The following CFAP47 variants were observed in gnomAD, a reference collection of about 807,000 sequenced individuals.
CFAP47 encodes the protein cilia- and flagella-associated protein 47.
In CFAP47, 29 loss-of-function variants were observed where a neutral mutation model predicts 148.1. The observed-to-expected ratio is 0.20, with a 90% CI of 0.15 to 0.27. The LOEUF is 0.27. Ranked by LOEUF, CFAP47 falls within the 10% of genes least tolerant of loss-of-function variation. The pLI, the probability that CFAP47 is intolerant of heterozygous loss-of-function variation, is 1.00. For synonymous variants in CFAP47, 664 were observed against 577.3 expected, an observed-to-expected ratio of 1.15 and a Z score of -2.15; for missense variants, 1,872 against 1,697.5, an observed-to-expected ratio of 1.10 and a Z score of -1.81.
chrX:36,104,543 G>GC lies in CFAP47; in HGVS notation c.5178dup (p.Ile1727HisfsTer21). 2.0e-6 allele frequency: 2 copies of GC among 979,459 alleles called. No homozygotes were observed. Among genetic ancestry groups the GC allele is most frequent in the South Asian group, 2.7e-5 (1 of 37,375 alleles). 80.7% of individuals were successfully genotyped at this position (979,459 alleles called of 1,213,427 possible). A position where few individuals can be genotyped will look rare whatever the true frequency, so the allele number is the denominator to read the frequency against. On this transcript the variant is annotated frameshift_variant, in exon 33 of 64. Coordinates refer to ENST00000378653, the MANE Select transcript of CFAP47 (RefSeq NM_001304548.2). LOFTEE classifies it high-confidence loss of function. ...TAGTGCCATACTGCAGCAATAATAT[G>GC]CCCCCCATATGTGTGCAAAATACAC...
intron 49 of CFAP47, among the ~76,000 whole-genome samples, chrX:36,266,609 G>A (rs894134170): frequency 2.7e-5 from 3 of 110,803 alleles, no homozygotes; most frequent in African/African-American, 9.9e-5. Context: ...AAGTGCTCCA[G>A]TGGGGTGACA....
intron 56 of CFAP47, among the ~76,000 whole-genome samples, chrX:36,313,161 A>G (rs1941407177): frequency 9.0e-6 from 1 of 111,507 alleles, no homozygotes; most frequent in South Asian, 3.7e-4. Flanking sequence ...TACTCATTAA[A>G]AATAGAGATT....
chrX:36,220,025 A>G (rs1313865784), intron 45 of CFAP47, among the ~76,000 whole-genome samples: 1 of 111,357 alleles, frequency 9.0e-6, no homozygotes, highest in Admixed American at 9.6e-5. Context: ...AGTAAAACCA[A>G]CGTGGAAATC....
Position 36,300,996 on chromosome X carries a change from G to A in CFAP47, c.7863-76G>A, listed in dbSNP as rs1941293443. 5.6e-6 allele frequency: 3 copies of A among 532,907 alleles called. No individual in the cohort carries two copies. In the South Asian group the frequency reaches 8.2e-5, roughly 14 times the overall value. The allele number at this position is 532,907 out of a possible 1,213,427, so 43.9% of individuals were successfully genotyped here. On this transcript the variant is annotated intron_variant, in intron 52 of 63. Coordinates refer to ENST00000378653, the MANE Select transcript of CFAP47 (RefSeq NM_001304548.2). ...TAAAACCAACTATTTATACTAGTTT[G>A]GGGTATACTACTTCTGCCCAATTTA... is the stretch of plus-strand genomic sequence containing the variant.
intron 39 of CFAP47, among the ~76,000 whole-genome samples, chrX:36,177,817 A>T (rs1045702134): frequency 8.9e-6 from 1 of 112,007 alleles, no homozygotes. Flanking sequence ...TTGATCCAGC[A>T]ATCGTAATAG....
intron 46 of CFAP47, among the ~76,000 whole-genome samples, 170 bp from the exon 47 acceptor site, chrX:36,235,764 C>G (rs1940454989): frequency 8.9e-6 from 1 of 112,351 alleles, no homozygotes; most frequent in African/African-American, 3.2e-5. Flanking sequence ...CATCTTGGCT[C>G]CAGCACATCG....
intron 35 of CFAP47, among the ~76,000 whole-genome samples, chrX:36,143,699 G>A (rs1213245525): frequency 2.7e-5 from 3 of 111,600 alleles, no homozygotes; most frequent in Non-Finnish European, 3.8e-5. Flanking sequence ...TTCAGCTTAC[G>A]TTCTGGCTAT....
chrX:36,204,738 G>A (rs1940021774), intron 44 of CFAP47, among the ~76,000 whole-genome samples: 1 of 110,963 alleles, frequency 9.0e-6, no homozygotes, highest in South Asian at 3.8e-4. Context: ...ATTAGCACGG[G>A]GGACATTGGT....
intron 39 of CFAP47, among the ~76,000 whole-genome samples, chrX:36,167,943 G>A (rs1939512519): frequency 9.0e-6 from 1 of 111,345 alleles, no homozygotes; most frequent in Non-Finnish European, 1.9e-5. Flanking sequence ...TTTGCTTGGG[G>A]TGAGAGTCCA....
At chrX:36,327,138 GAAAC>G (rs1941523836) in intron 57 of CFAP47, among the ~76,000 whole-genome samples, 1 of 111,229 alleles carries the variant, frequency 9.0e-6, no homozygotes, top group Non-Finnish European at 1.9e-5. Flanking sequence ...TTTCTGCACA[GAAAC>G]AAACAGACCA....
intron 37 of CFAP47, among the ~76,000 whole-genome samples, chrX:36,155,023 A>C (rs866931569): frequency 2.7e-5 from 3 of 111,134 alleles, no homozygotes; most frequent in Non-Finnish European, 5.7e-5. Flanking sequence ...GAGTCTGGGA[A>C]GTCCAAGGGA....
chrX:36,232,530 G>T (rs1165927166), intron 46 of CFAP47, among the ~76,000 whole-genome samples: 1 of 111,326 alleles, frequency 9.0e-6, no homozygotes, highest in African/African-American at 3.3e-5. Flanking sequence ...CTTGCTAGTG[G>T]TCTATCAATT....
At chrX:36,233,907 G>GA (rs1403522274) in intron 46 of CFAP47, among the ~76,000 whole-genome samples, 1 of 111,227 alleles carries the variant, frequency 9.0e-6, no homozygotes, top group African/African-American at 3.3e-5. Flanking sequence ...ATTTTGGGTT[G>GA]AAAATTCTTT....
At chrX:36,009,090 C>G (rs1365187876) in intron 21 of CFAP47, among the ~76,000 whole-genome samples, 1 of 111,257 alleles carries the variant, frequency 9.0e-6, no homozygotes, top group Non-Finnish European at 1.9e-5. Flanking sequence ...AAGATGGGTC[C>G]TATCATTATA....
intron 55 of CFAP47, among the ~76,000 whole-genome samples, chrX:36,309,836 A>G (rs1941379229): frequency 9.0e-6 from 1 of 111,322 alleles, no homozygotes; most frequent in Non-Finnish European, 1.9e-5. Context: ...TCAAGTTAGG[A>G]CGTTATTATT....
chrX:36,310,999 T>C lies in CFAP47; in HGVS notation c.8344+10T>C. 2.0e-6 allele frequency: 2 copies of C among 982,285 alleles called. No individual in the cohort carries two copies. Among genetic ancestry groups the C allele is most frequent in the Non-Finnish European group, 2.7e-6 (2 of 744,194 alleles). 81.0% of individuals were successfully genotyped at this position (982,285 alleles called of 1,213,427 possible). ...GATATAATACTGACAAGTAAGTTGT[T>C]TTTCTTATATTTTACATGTTATTTT... On this transcript the variant is annotated intron_variant, in intron 56 of 63. Coordinates refer to ENST00000378653, the MANE Select transcript of CFAP47 (RefSeq NM_001304548.2).
chrX:36,097,623 C>T (rs1371778036), intron 30 of CFAP47, among the ~76,000 whole-genome samples: 2 of 110,926 alleles, frequency 1.8e-5, no homozygotes, highest in Non-Finnish European at 3.8e-5. Flanking sequence ...TCAGACATAT[C>T]AGAGGTTCAT....
At chrX:35,972,919 G>A (rs1344586267) in intron 13 of CFAP47, among the ~76,000 whole-genome samples, 1 of 111,189 alleles carries the variant, frequency 9.0e-6, no homozygotes, top group Non-Finnish European at 1.9e-5. Context: ...CCTCTAAAAT[G>A]TTTTCCAAAG....
chrX:36,256,094 G>A (rs1423926849), intron 49 of CFAP47, among the ~76,000 whole-genome samples: 4 of 111,615 alleles, frequency 3.6e-5, no homozygotes, highest in African/African-American at 1.3e-4. Flanking sequence ...ATATGAGAAT[G>A]CAAAAAGCTA....
Sources: allele counts gnomAD v4.1 joint callset (sites outside exome capture counted in the v4.1 genomes callset), GRCh38; gene constraint gnomAD v4.1.1; transcripts MANE v1.5; gene names NCBI Gene and HGNC (gene_info 2026-07-23, HGNC 2026-07-21).